The following RPP14 variants were observed in gnomAD, a reference collection of about 807,000 sequenced individuals.
The protein encoded by RPP14 is ribonuclease P/MRP subunit p14, also known as ribonuclease P protein subunit p14.
In RPP14, 19 loss-of-function variants were observed where a neutral mutation model predicts 17.8. That is an observed-to-expected ratio of 1.07 (90% CI 0.74 to 1.57). The LOEUF (loss-of-function observed/expected upper bound fraction) is 1.57, where lower values mean the gene tolerates loss of function less well. Ranked by LOEUF, RPP14 falls within the 40% of genes most tolerant of loss-of-function variation. The pLI is 0.00. For missense variants in RPP14, 125 were observed against 140.8 expected (o/e 0.89, Z 0.57); for synonymous variants, 60 against 56.4 (o/e 1.06, Z -0.29).
chr3:58,314,133 C>G (rs1191279718), intron 3 of RPP14, among the ~76,000 whole-genome samples: 1 of 151,982 alleles, frequency 6.6e-6, no homozygotes, highest in East Asian at 1.9e-4. Flanking sequence ...GGTTGATTGC[C>G]TGAGGTCAGG....
At chr3:58,312,766 G>T (rs2097483703) in intron 3 of RPP14, among the ~76,000 whole-genome samples, 1 of 151,974 alleles carries the variant, frequency 6.6e-6, no homozygotes, top group South Asian at 2.1e-4. Flanking sequence ...TTTGAGACTA[G>T]CCTGGCCAAC....
chr3:58,317,016 T>A, intron 5 of RPP14, 23 bp downstream of exon 5: 2 of 1,571,390 alleles, frequency 1.3e-6, no homozygotes, highest in East Asian at 2.2e-5. Flanking sequence ...CCCTCACATA[T>A]TCCAAACAAG....
In RPP14 at chr3:58,317,848, G is replaced by A. The variant is rs751753077; in HGVS notation, c.*352G>A. ...AGACTTTGCAAAACACACCAAGTTT[G>A]GAAATACAATTGTACATGGAGTTTT... On this transcript the variant is annotated 3_prime_UTR_variant, in exon 6 of 6. Coordinates refer to ENST00000295959, the MANE Select transcript of RPP14 (RefSeq NM_007042.6). 10 of 702,912 alleles carry A rather than the reference G, an allele frequency of 1.4e-5. No individual in the cohort carries two copies. The South Asian group carries it at 1.5e-4, about 10-fold the overall frequency. 43.5% of individuals were successfully genotyped at this position (702,912 alleles called of 1,614,324 possible).
At chr3:58,306,949 G>T (rs1433312115) in intron 1 of RPP14, among the ~76,000 whole-genome samples, 1 of 152,226 alleles carries the variant, frequency 6.6e-6, no homozygotes, top group Admixed American at 6.5e-5. Context: ...GGGCATGGGG[G>T]TGGGGTGCGG....
At chr3:58,312,337 C>G (rs530728549) in intron 3 of RPP14, among the ~76,000 whole-genome samples, 26 of 126,620 alleles carry the variant, frequency 2.1e-4, no homozygotes, top group Admixed American at 3.2e-4. Flanking sequence ...CCTCCGCACC[C>G]CCCCCCGCCC....
Position 58,318,377 on chromosome 3 carries a change from G to A in RPP14, c.*881G>A, listed in dbSNP as rs772325604. 2.5e-5 allele frequency: 8 copies of A among 316,152 alleles called. No individual in the cohort carries two copies. Among genetic ancestry groups the A allele is most frequent in the Non-Finnish European group, 4.0e-5 (7 of 173,422 alleles). 19.6% of individuals were successfully genotyped at this position (316,152 alleles called of 1,614,324 possible). A position where few individuals can be genotyped will look rare whatever the true frequency, so the allele number is the denominator to read the frequency against. On this transcript the variant is annotated 3_prime_UTR_variant, in exon 6 of 6. Coordinates refer to ENST00000295959, the MANE Select transcript of RPP14 (RefSeq NM_007042.6). ...TTTTGTTTTTTAATTCAAGAAGTAG[G>A]CTGGGCCCGGTGGCTCATGCCTGTA... is the stretch of plus-strand genomic sequence containing the variant.
Position 58,317,855 on chromosome 3 carries a change from C to G in RPP14, c.*359C>G, listed in dbSNP as rs905145814. ...GCAAAACACACCAAGTTTGGAAATA[C>G]AATTGTACATGGAGTTTTGATCAAC... On this transcript the variant is annotated 3_prime_UTR_variant, in exon 6 of 6. Coordinates refer to ENST00000295959, the MANE Select transcript of RPP14 (RefSeq NM_007042.6). The G allele has an allele frequency of 2.6e-5, 18 of 702,924 alleles. No individual in the cohort carries two copies. The highest frequency in any genetic ancestry group is 1.2e-4 in the African/African-American group (7 of 57,264). 43.5% of individuals were successfully genotyped at this position (702,924 alleles called of 1,614,324 possible).
At position 58,314,767 on chromosome 3, in the gene RPP14, C is replaced by G. The variant is rs138395281; in HGVS notation, c.163-1748C>G. On this transcript the variant is annotated intron_variant, in intron 3 of 5. Coordinates refer to ENST00000295959, the MANE Select transcript of RPP14 (RefSeq NM_007042.6). ...TGGCACAATCTTGGCTCACTGCAAC[C>G]TCCGCCTCCCAGGTTCAGGCGATTC... is the stretch of plus-strand genomic sequence containing the variant. Among the ~76,000 whole-genome samples, 557 of 145,886 alleles carry G rather than the reference C, an allele frequency of 3.8e-3. 2 individuals carry two copies. The highest frequency in any genetic ancestry group is 6.0e-3 in the Non-Finnish European group (402 of 67,200).
intron 3 of RPP14, among the ~76,000 whole-genome samples, chr3:58,311,721 T>TC (rs2097482448): frequency 6.6e-6 from 1 of 152,010 alleles, no homozygotes; most frequent in Non-Finnish European, 1.5e-5. Context: ...TTTTTTTTTT[T>TC]TCCCCACCTT....
At chr3:58,311,033 C>A (rs566637031) in intron 3 of RPP14, among the ~76,000 whole-genome samples, 27 of 151,620 alleles carry the variant, frequency 1.8e-4, no homozygotes, top group Middle Eastern at 3.4e-3. Context: ...TTGTAATAAA[C>A]ACATTTGTAT....
intron 5 of RPP14, 78 bp downstream of exon 5, chr3:58,317,071 T>C (rs920331517): frequency 9.8e-7 from 1 of 1,025,200 alleles, no homozygotes; most frequent in East Asian, 2.4e-5. Flanking sequence ...CAACTCATTT[T>C]TGTGCTTGCA....
At chr3:58,312,868 G>A (rs1412906207) in intron 3 of RPP14, among the ~76,000 whole-genome samples, 3 of 151,244 alleles carry the variant, frequency 2.0e-5, no homozygotes, top group East Asian at 3.9e-4. Flanking sequence ...GACTGAGGCA[G>A]GAGAATTGCT....
intron 1 of RPP14, among the ~76,000 whole-genome samples, chr3:58,308,351 A>C (rs2097477985): frequency 6.6e-6 from 1 of 152,044 alleles, no homozygotes; most frequent in Non-Finnish European, 1.5e-5. Context: ...TGGTACAATC[A>C]CAGTGCACTG....
chr3:58,312,950 G>A, intron 3 of RPP14, among the ~76,000 whole-genome samples: 1 of 118,662 alleles, frequency 8.4e-6, no homozygotes, highest in African/African-American at 3.4e-5. Flanking sequence ...AACAGAGCAA[G>A]ACTCTGTCTC....
At chr3:58,312,388 TA>T (rs1163541498) in intron 3 of RPP14, among the ~76,000 whole-genome samples, 4 of 117,080 alleles carry the variant, frequency 3.4e-5, no homozygotes, top group Non-Finnish European at 6.5e-5. Flanking sequence ...GCCTCCCGAG[TA>T]GCTGAGACTA....
intron 1 of RPP14, among the ~76,000 whole-genome samples, chr3:58,308,559 C>T (rs895547728): frequency 1.3e-5 from 2 of 152,110 alleles, no homozygotes; most frequent in African/African-American, 2.4e-5. Flanking sequence ...ATGAGCACCA[C>T]GCCAGGCCCC....
At chr3:58,317,175 C>A (rs2097489168) in intron 5 of RPP14, among the ~76,000 whole-genome samples, 182 bp downstream of exon 5, 1 of 152,190 alleles carries the variant, frequency 6.6e-6, no homozygotes, top group Non-Finnish European at 1.5e-5. Flanking sequence ...ATTTTAAAAT[C>A]TATGGGAGAT....
At chr3:58,308,403 C>T (rs182455558) in intron 1 of RPP14, among the ~76,000 whole-genome samples, 46 of 152,198 alleles carry the variant, frequency 3.0e-4, no homozygotes, top group Admixed American at 2.9e-3. Flanking sequence ...CCCACCTCAG[C>T]CCCTGGAGTA....
intron 1 of RPP14, among the ~76,000 whole-genome samples, chr3:58,307,304 A>T (rs1220675358): frequency 2.0e-5 from 3 of 152,208 alleles, no homozygotes; most frequent in African/African-American, 7.2e-5. Flanking sequence ...CAGAGGAATG[A>T]TGTAGCTTGA....
Sources: gnomAD v4.1 joint callset for allele counts (sites outside exome capture counted in the v4.1 genomes callset) on GRCh38, gnomAD v4.1.1 for gene constraint, MANE v1.5 for transcripts, NCBI Gene and HGNC (gene_info 2026-07-23, HGNC 2026-07-21) for gene names.